NUP107: variants seen among roughly 807,000 people sequenced by gnomAD.
The protein encoded by NUP107 is nuclear pore complex protein Nup107.
Under a neutral mutation model 141.0 loss-of-function variants are expected in NUP107, and 101 were observed. The observed-to-expected ratio is 0.72, with a 90% CI of 0.61 to 0.84. The LOEUF (loss-of-function observed/expected upper bound fraction) is 0.84, where lower values mean the gene tolerates loss of function less well. NUP107 is among the 40% of genes least tolerant of loss of function. The pLI, the probability that NUP107 is intolerant of heterozygous loss-of-function variation, is 0.00. For missense variants in NUP107, 941 were observed against 1,102.7 expected, an observed-to-expected ratio of 0.85 and a Z score of 2.08; for synonymous variants, 319 against 363.9, an observed-to-expected ratio of 0.88 and a Z score of 1.41.
chr12:68,705,573 C>T (rs2136013169), intron 8 of NUP107: 1 of 318,328 alleles, frequency 3.1e-6, no homozygotes, highest in Non-Finnish European at 6.2e-6. Flanking sequence ...GAAGCAGCTT[C>T]TCTGTTCCTT....
In NUP107 at chr12:68,726,601, T is replaced by C. The variant is rs1389371440; in HGVS notation, c.1679T>C (p.Leu560Pro). 1 of 1,608,052 alleles carries C rather than the reference T, an allele frequency of 6.2e-7. No homozygotes were observed. Among genetic ancestry groups the C allele is most frequent in the African/African-American group, 1.3e-5 (1 of 74,834 alleles). Reference sequence around the variant, plus strand: ...CACCTTATTTTGTTTTTCCGTACTCTGGGACTACAGACCAAGGTATATAAA... The same window carrying C: ...CACCTTATTTTGTTTTTCCGTACTCCGGGACTACAGACCAAGGTATATAAA... Reference protein sequence around the residue: ...MTHLILFFRTLGLQTKEEVSI... With the variant: ...MTHLILFFRTPGLQTKEEVSI... The change falls in exon 19 of 28, where the codon CTG (leucine) becomes CCG (proline). Residue 560 changes from leucine to proline, a missense_variant. Physicochemically the swap from Leu to Pro is moderately conservative, Grantham distance 98. Coordinates refer to ENST00000229179, the MANE Select transcript of NUP107 (RefSeq NM_020401.4).
In NUP107 at chr12:68,709,271, G is replaced by A; in HGVS notation, c.763G>A (p.Ala255Thr). The change falls in exon 9 of 28, where the codon GCG becomes ACG. Residue 255 changes from alanine (A) to threonine (T), a missense_variant. Physicochemically the swap from Ala to Thr is moderately conservative, Grantham distance 58. Transcript: ENST00000229179. The stretch of plus-strand genomic sequence containing the variant: ...TGCCAGTGAAAAAACAGTTGTGGAA[G>A]CGTTATTTCAGAGGGATTCACTTGT... ...VNASEKTVVE[A>T]LFQRDSLVRQ... 6.2e-7 allele frequency: 1 copy of A among 1,603,816 alleles called. No individual in the cohort carries two copies.
intron 20 of NUP107, among the ~76,000 whole-genome samples, chr12:68,728,768 TAAAA>T (rs1054851564): frequency 6.6e-6 from 1 of 151,124 alleles, no homozygotes; most frequent in Admixed American, 6.6e-5. Flanking sequence ...TTTTAAAAGT[TAAAA>T]AAAGAATAAA....
intron 20 of NUP107, among the ~76,000 whole-genome samples, chr12:68,728,832 C>G (rs141872227): frequency 6.6e-6 from 1 of 151,456 alleles, no homozygotes; most frequent in Non-Finnish European, 1.5e-5. Flanking sequence ...CTATACTGTA[C>G]CTGTTAATAC....
At chr12:68,742,111 T>C in intron 27 of NUP107, 131 bp downstream of exon 27, 1 of 792,770 alleles carries the variant, frequency 1.3e-6, no homozygotes, top group Non-Finnish European at 1.9e-6. Flanking sequence ...CCAGTTTTAA[T>C]GTTTTAATGT....
chr12:68,741,607 A>G (rs1459824680), intron 26 of NUP107, among the ~76,000 whole-genome samples: 1 of 152,210 alleles, frequency 6.6e-6, no homozygotes, highest in Non-Finnish European at 1.5e-5. Context: ...TTCAGGACAT[A>G]GTAAGTTTAT....
intron 26 of NUP107, among the ~76,000 whole-genome samples, chr12:68,738,015 C>T (rs1878150111): frequency 6.6e-6 from 1 of 152,220 alleles, no homozygotes; most frequent in Non-Finnish European, 1.5e-5. Context: ...CGGTGGCTCA[C>T]GCCTGAATCC....
intron 20 of NUP107, among the ~76,000 whole-genome samples, chr12:68,729,181 G>A (rs1349446021): frequency 6.6e-6 from 1 of 152,324 alleles, no homozygotes; most frequent in East Asian, 1.9e-4. Flanking sequence ...GCTCACCCCA[G>A]TAGTGGCAGG....
chr12:68,742,820 A>G lies in NUP107; in HGVS notation c.*358A>G, dbSNP rs1038876489. ...AAGTAGATTTATTTTTAAGCCAGGTACGTAATTTTTTATTTATCATAAAAT... is the reference window on the plus strand; with the variant it reads ...AAGTAGATTTATTTTTAAGCCAGGTGCGTAATTTTTTATTTATCATAAAAT... On this transcript the variant is annotated 3_prime_UTR_variant, in exon 28 of 28. Coordinates refer to ENST00000229179, the MANE Select transcript of NUP107 (RefSeq NM_020401.4). 1 of 152,906 alleles carries G rather than the reference A, an allele frequency of 6.5e-6. No homozygotes were observed. Among genetic ancestry groups the G allele is most frequent in the Non-Finnish European group, 1.5e-5 (1 of 68,566 alleles). 9.5% of individuals were successfully genotyped at this position (152,906 alleles called of 1,614,324 possible). A position where few individuals can be genotyped will look rare whatever the true frequency, so the allele number is the denominator to read the frequency against.
chr12:68,693,158 A>C (rs1033406434), intron 5 of NUP107, among the ~76,000 whole-genome samples: 1 of 151,032 alleles, frequency 6.6e-6, no homozygotes. Context: ...GCTCACTGCA[A>C]CCTCTACCTG....
At position 68,727,417 on chromosome 12, in the gene NUP107, TG is replaced by T. The variant is rs771232460; in HGVS notation, c.1734+29del. On this transcript the variant is annotated intron_variant, in intron 20 of 27. Transcript: ENST00000229179. ...AAACTTTGAGAACCTACAACCTGATTGTTTTTTACTATTTTAATGAAAACAA... is the reference window on the plus strand; with the variant it reads ...AAACTTTGAGAACCTACAACCTGATTTTTTTTACTATTTTAATGAAAACAA... 7.7e-6 allele frequency: 10 copies of T among 1,304,700 alleles called. No individual in the cohort carries two copies. The East Asian group carries it at 2.4e-4, about 31-fold the overall frequency. 80.8% of individuals were successfully genotyped at this position (1,304,700 alleles called of 1,614,324 possible). A position where few individuals can be genotyped will look rare whatever the true frequency, so the allele number is the denominator to read the frequency against.
chr12:68,734,577 T>C (rs1877984042), intron 24 of NUP107, 131 bp from the exon 25 acceptor site: 8 of 669,116 alleles, frequency 1.2e-5, no homozygotes, highest in Admixed American at 6.6e-5. Flanking sequence ...GAAAAAAATA[T>C]ATATTGAACA....
chr12:68,729,763 G>A (rs1877733000), intron 20 of NUP107, among the ~76,000 whole-genome samples: 1 of 149,294 alleles, frequency 6.7e-6, no homozygotes, highest in Non-Finnish European at 1.5e-5. Flanking sequence ...AATTTACTCA[G>A]TATTTCTAGG....
At chr12:68,741,298 A>C (rs936776461) in intron 26 of NUP107, among the ~76,000 whole-genome samples, 1 of 151,968 alleles carries the variant, frequency 6.6e-6, no homozygotes, top group African/African-American at 2.4e-5. Flanking sequence ...GTATTATTCA[A>C]ATCTATAGGT....
Position 68,726,479 on chromosome 12 carries a change from T to C in NUP107, c.1577-20T>C. 4.1e-6 allele frequency: 6 copies of C among 1,471,828 alleles called. No homozygotes were observed. The highest frequency in any genetic ancestry group is 5.7e-6 in the Non-Finnish European group (6 of 1,054,348). The allele number at this position is 1,471,828 out of a possible 1,614,324, so 91.2% of individuals were successfully genotyped here. A position where few individuals can be genotyped will look rare whatever the true frequency, so the allele number is the denominator to read the frequency against. On this transcript the variant is annotated intron_variant, in intron 18 of 27. Coordinates refer to ENST00000229179, the MANE Select transcript of NUP107 (RefSeq NM_020401.4). ...TTGATTTTATTCCTATTGTTGAATCTTCACTTTGATGGCTTGTAGGTTTGA... is the reference window on the plus strand; with the variant it reads ...TTGATTTTATTCCTATTGTTGAATCCTCACTTTGATGGCTTGTAGGTTTGA...
At position 68,717,098 on chromosome 12, in the gene NUP107, G is replaced by A. The variant is rs184455745; in HGVS notation, c.1083+1358G>A. On this transcript the variant is annotated intron_variant, in intron 12 of 27. Transcript: ENST00000229179. ...ATTTTAGTAAAGACGTGGTTTCACC[G>A]TGTTGCCCAGGCTGGTCTCAAACTC... is the stretch of plus-strand genomic sequence containing the variant. Among the ~76,000 whole-genome samples, 1,090 of 152,050 alleles carry A rather than the reference G, an allele frequency of 7.2e-3. 10 individuals carry two copies. The highest frequency in any genetic ancestry group is 0.011 in the Non-Finnish European group (770 of 67,970).
At chr12:68,703,725 A>C (rs932082386) in intron 8 of NUP107, among the ~76,000 whole-genome samples, 3 of 152,196 alleles carry the variant, frequency 2.0e-5, no homozygotes, top group African/African-American at 7.2e-5. Flanking sequence ...CTGGGATTAC[A>C]GGTGTGAGCC....
At chr12:68,706,191 A>C (rs1365044338) in intron 8 of NUP107, 1 of 766,928 alleles carries the variant, frequency 1.3e-6, no homozygotes, top group African/African-American at 1.7e-5. Flanking sequence ...ATCAAAAAGC[A>C]TACAGAGATG....
intron 15 of NUP107, 54 bp from the exon 16 acceptor site, chr12:68,721,787 C>T: frequency 1.3e-6 from 2 of 1,549,460 alleles, no homozygotes; most frequent in Non-Finnish European, 1.7e-6. Context: ...ATTGCTTTTC[C>T]TTTCTTTTCT....
Sources: allele counts gnomAD v4.1 joint callset (sites outside exome capture counted in the v4.1 genomes callset), GRCh38; gene constraint gnomAD v4.1.1; transcripts MANE v1.5; gene names NCBI Gene and HGNC (gene_info 2026-07-23, HGNC 2026-07-21).